Variants in PCDHA6 observed in about 807,000 individuals in gnomAD.
The protein encoded by PCDHA6 is protocadherin alpha 6.
In PCDHA6, 55 loss-of-function variants were observed where a neutral mutation model predicts 60.3. That is an observed-to-expected ratio of 0.91 (90% CI 0.73 to 1.14). PCDHA6 has a LOEUF of 1.14. Ranked by LOEUF, PCDHA6 falls within the 50% of genes most tolerant of loss-of-function variation. The pLI is 0.00. For synonymous variants in PCDHA6, 652 were observed against 557.9 expected (o/e 1.17, Z -2.38); for missense variants, 1,327 against 1,256.5 (o/e 1.06, Z -0.85).
At chr5:140,841,435 G>A (rs2150315414) in intron 1 of PCDHA6, 1 of 1,612,844 alleles carries the variant, frequency 6.2e-7, no homozygotes, top group South Asian at 1.1e-5. Context: ...TCCCCGAGGA[G>A]GCCAAACACG....
intron 1 of PCDHA6, chr5:140,863,127 C>A: frequency 1.7e-6 from 1 of 597,490 alleles, no homozygotes; most frequent in Non-Finnish European, 3.3e-6. Context: ...CTACGCGCCA[C>A]CGCCTGCTGG....
At chr5:140,840,901 G>T (rs1776933352) in intron 1 of PCDHA6, among the ~76,000 whole-genome samples, 1 of 151,852 alleles carries the variant, frequency 6.6e-6, no homozygotes, top group African/African-American at 2.4e-5. Flanking sequence ...TGACATACAG[G>T]TCATACTTAA....
At chr5:140,841,029 T>C (rs1554137976) in intron 1 of PCDHA6, among the ~76,000 whole-genome samples, 2 of 152,050 alleles carry the variant, frequency 1.3e-5, no homozygotes, top group African/African-American at 2.4e-5. Context: ...GCCTCTGCAA[T>C]TGATAAAGTT....
At chr5:140,918,584 A>G (rs1296882763) in intron 1 of PCDHA6, among the ~76,000 whole-genome samples, 1 of 152,212 alleles carries the variant, frequency 6.6e-6, no homozygotes, top group Non-Finnish European at 1.5e-5. Context: ...TATTGGCTAT[A>G]TGTTCTATAG....
At chr5:140,841,244 G>C (rs2150312365) in intron 1 of PCDHA6, 34 of 1,496,206 alleles carry the variant, frequency 2.3e-5, no homozygotes, top group South Asian at 2.7e-5. Flanking sequence ...CAGCGGAATT[G>C]GATTAAAAGA....
chr5:140,994,303 C>T (rs13163241), intron 3 of PCDHA6, among the ~76,000 whole-genome samples: 9,825 of 152,220 alleles, frequency 0.065, 357 homozygotes, highest in East Asian at 0.12. Flanking sequence ...ATTGTTTTCA[C>T]AGGGCCCAAA....
At chr5:140,927,780 T>C (rs1189193877) in intron 1 of PCDHA6, 5 of 1,614,090 alleles carry the variant, frequency 3.1e-6, no homozygotes, top group African/African-American at 1.3e-5. Flanking sequence ...TGCAAGTAGC[T>C]GCTTCACTAG....
intron 3 of PCDHA6, among the ~76,000 whole-genome samples, chr5:140,992,100 A>G (rs1285742519): frequency 6.6e-6 from 1 of 151,526 alleles, no homozygotes; most frequent in African/African-American, 2.4e-5. Context: ...AAAGAGAATT[A>G]AGGTGAGATG....
At chr5:141,009,584 AT>A in intron 3 of PCDHA6, 42 bp from the exon 4 acceptor site, 1 of 1,592,004 alleles carries the variant, frequency 6.3e-7, no homozygotes, top group Non-Finnish European at 8.6e-7. Flanking sequence ...CATCAAGAGC[AT>A]GTGTTGACCC....
chr5:140,966,934 G>C (rs782780798), intron 1 of PCDHA6: 3 of 1,604,080 alleles, frequency 1.9e-6, no homozygotes, highest in Non-Finnish European at 2.5e-6. Flanking sequence ...CACCCGGCGC[G>C]CTCGTGGGCA....
intron 1 of PCDHA6, among the ~76,000 whole-genome samples, chr5:140,907,411 G>A (rs1053744231): frequency 8.5e-5 from 13 of 152,192 alleles, no homozygotes; most frequent in Admixed American, 2.6e-4. Flanking sequence ...GGAATACCAC[G>A]ATGGTGGATA....
chr5:140,882,374 C>G, intron 1 of PCDHA6: 1 of 1,614,186 alleles, frequency 6.2e-7, no homozygotes, highest in Non-Finnish European at 8.5e-7. Context: ...CTACTCCGTC[C>G]CCGAGGAAGC....
chr5:140,888,441 A>G (rs2061829051), intron 1 of PCDHA6, among the ~76,000 whole-genome samples: 1 of 152,222 alleles, frequency 6.6e-6, no homozygotes, highest in African/African-American at 2.4e-5. Context: ...CAGCCGCCCA[A>G]CAATAAAGAA....
intron 1 of PCDHA6, among the ~76,000 whole-genome samples, chr5:140,972,609 A>G (rs1344399252): frequency 1.3e-5 from 2 of 151,526 alleles, no homozygotes; most frequent in Non-Finnish European, 2.9e-5. Flanking sequence ...TCTGAACTTG[A>G]TACTGAATGT....
intron 1 of PCDHA6, among the ~76,000 whole-genome samples, chr5:140,890,344 A>T (rs1482265903): frequency 1.3e-5 from 2 of 152,196 alleles, no homozygotes; most frequent in Admixed American, 6.5e-5. Context: ...GGGATGGTTT[A>T]CTATATAGCA....
At chr5:140,901,199 A>T (rs1554189641) in intron 1 of PCDHA6, among the ~76,000 whole-genome samples, 4 of 152,106 alleles carry the variant, frequency 2.6e-5, no homozygotes, top group Non-Finnish European at 5.9e-5. Context: ...TTCTGTGCAG[A>T]AGGTTTTTAA....
rs2150166154 is a variant in PCDHA6, at chr5:140,829,340, A to G, written c.1249A>G (p.Ser417Gly). The change falls in exon 1 of 4, where the codon AGC becomes GGC. Residue 417 changes from serine to glycine, a missense_variant. By Grantham distance (56) the Ser-to-Gly change is moderately conservative. Coordinates refer to ENST00000529310, the MANE Select transcript of PCDHA6 (RefSeq NM_018909.4). ...LVLDSALDRESVSAYELVVTA... is the reference protein window; with the variant it reads ...LVLDSALDREGVSAYELVVTA... ...GCTGGACAGTGCCCTGGACCGCGAG[A>G]GCGTGTCGGCCTATGAGTTGGTGGT... is the stretch of plus-strand genomic sequence containing the variant. 2.5e-6 allele frequency: 4 copies of G among 1,614,216 alleles called. No homozygotes were observed. In the South Asian group the frequency reaches 4.4e-5, roughly 18 times the overall value.
Position 140,968,209 on chromosome 5 carries a change from C to A in PCDHA6, c.2395-10740C>A, listed in dbSNP as rs781795931. The A allele has an allele frequency of 2.5e-6, 4 of 1,613,884 alleles. No homozygotes were observed. In the African/African-American group the frequency reaches 4.0e-5, roughly 16 times the overall value. Reference sequence around the variant, plus strand: ...CCTATTCCATCTACATACAGGAGAACAATTTGCCAGGTGTGTTGCTCTGTA... The same window carrying A: ...CCTATTCCATCTACATACAGGAGAAAAATTTGCCAGGTGTGTTGCTCTGTA... On this transcript the variant is annotated intron_variant, in intron 1 of 3. Coordinates refer to ENST00000529310, the MANE Select transcript of PCDHA6 (RefSeq NM_018909.4).
rs1554263792 is a variant in PCDHA6 at position 141,012,059 on chromosome 5, C to T, written c.*2122C>T. 1 of 153,718 alleles carries T rather than the reference C, an allele frequency of 6.5e-6. No individual in the cohort carries two copies. The highest frequency in any genetic ancestry group is 1.5e-5 in the Non-Finnish European group (1 of 68,036). The allele number at this position is 153,718 out of a possible 1,614,324, so 9.5% of individuals were successfully genotyped here. A position where few individuals can be genotyped will look rare whatever the true frequency, so the allele number is the denominator to read the frequency against. ...TGCATGGGGTAAAACTTGTTACCAA[C>T]ACATGTGAACCATTGCTACATTGTA... On this transcript the variant is annotated 3_prime_UTR_variant, in exon 4 of 4. Transcript: ENST00000529310.
Sources: gnomAD v4.1 joint callset for allele counts (sites outside exome capture counted in the v4.1 genomes callset) on GRCh38, gnomAD v4.1.1 for gene constraint, MANE v1.5 for transcripts, NCBI Gene and HGNC (gene_info 2026-07-23, HGNC 2026-07-21) for gene names.